Variants in FAM149B1 observed in about 807,000 individuals in gnomAD.
The protein encoded by FAM149B1 is family with sequence similarity 149 member B1, also known as primary cilium assembly protein FAM149B1.
A neutral mutation model predicts 75.3 loss-of-function variants in FAM149B1; 56 were observed. That is an observed-to-expected ratio of 0.74 (90% CI 0.60 to 0.93). The LOEUF (loss-of-function observed/expected upper bound fraction) is 0.93, where lower values mean the gene tolerates loss of function less well. Among genes scored for constraint, FAM149B1 ranks in the 40% least tolerant of loss-of-function variants. The probability of loss-of-function intolerance (pLI) is 0.00; values close to 1 mark genes in which losing one functional copy is unlikely to be tolerated. For synonymous variants in FAM149B1, 259 were observed against 256.1 expected (o/e 1.01, Z -0.11); for missense variants, 639 against 708.4 (o/e 0.90, Z 1.11).
At position 73,227,185 on chromosome 10, in the gene FAM149B1, T is replaced by C. The variant is rs146028743; in HGVS notation, c.899-875T>C. 1.6e-3 allele frequency among the ~76,000 whole-genome samples: 249 copies of C among 152,324 alleles called. 1 individual carries two copies. Among genetic ancestry groups the C allele is most frequent in the African/African-American group, 3.8e-3 (159 of 41,564 alleles). On this transcript the variant is annotated intron_variant, in intron 7 of 13. Transcript: ENST00000242505. ...TCACTACAGCCTCAACTACCTGGGC[T>C]GAAGCTGTCCTCCCACCTCAGCCTC...
At position 73,189,641 on chromosome 10, in the gene FAM149B1, C is replaced by T. The variant is rs577423500; in HGVS notation, c.283-2915C>T. On this transcript the variant is annotated intron_variant, in intron 3 of 13. Transcript: ENST00000242505. ...ATTCTCCTGAATGAAGGAAGCCAAA[C>T]ACAAAAAGTGCATCCTGCACAATCC... is the stretch of plus-strand genomic sequence containing the variant. 3.8e-4 allele frequency among the ~76,000 whole-genome samples: 58 copies of T among 152,328 alleles called. 1 individual carries two copies. The South Asian group carries it at 0.012, about 31-fold the overall frequency.
chr10:73,240,442 G>T (rs1364968767), intron 13 of FAM149B1, among the ~76,000 whole-genome samples: 2 of 152,190 alleles, frequency 1.3e-5, no homozygotes, highest in East Asian at 3.8e-4. Flanking sequence ...GCTGGGCGTG[G>T]TGGCTCATGC....
chr10:73,180,207 T>C (rs1589138022), intron 3 of FAM149B1, among the ~76,000 whole-genome samples: 1 of 152,284 alleles, frequency 6.6e-6, no homozygotes, highest in South Asian at 2.1e-4. Flanking sequence ...GCTAGCCATG[T>C]GAAGAGTGAG....
intron 3 of FAM149B1, among the ~76,000 whole-genome samples, chr10:73,178,191 A>G (rs1409646227): frequency 1.3e-5 from 2 of 152,168 alleles, no homozygotes; most frequent in Admixed American, 1.3e-4. Flanking sequence ...TTAGTGTTCA[A>G]TTTAAACAGC....
intron 5 of FAM149B1, among the ~76,000 whole-genome samples, chr10:73,207,123 A>G (rs572457275): frequency 1.3e-5 from 2 of 152,262 alleles, no homozygotes; most frequent in Non-Finnish European, 2.9e-5. Context: ...GAGAATCTCT[A>G]TTGGGCAGTG....
At chr10:73,236,901 A>AT (rs1478221250) in intron 12 of FAM149B1, among the ~76,000 whole-genome samples, 1 of 150,560 alleles carries the variant, frequency 6.6e-6, no homozygotes, top group Non-Finnish European at 1.5e-5. Flanking sequence ...TTTTGTAGAG[A>AT]TAGGGTGTCA....
chr10:73,199,259 C>T (rs991582526), intron 5 of FAM149B1, among the ~76,000 whole-genome samples: 1 of 151,866 alleles, frequency 6.6e-6, no homozygotes, highest in Non-Finnish European at 1.5e-5. Flanking sequence ...GCTCTGTCGC[C>T]CAGGCTGGAG....
chr10:73,189,000 C>T (rs2042613109), intron 3 of FAM149B1, among the ~76,000 whole-genome samples: 1 of 151,758 alleles, frequency 6.6e-6, no homozygotes. Context: ...TTGAGACCAG[C>T]CTAAGCAACA....
Position 73,177,140 on chromosome 10 carries a change from G to A in FAM149B1, c.153-706G>A, listed in dbSNP as rs140791104. Among the ~76,000 whole-genome samples the A allele has an allele frequency of 1.8e-3, 279 of 152,138 alleles. 3 individuals are homozygous for A. The highest frequency in any genetic ancestry group is 6.3e-3 in the African/African-American group (263 of 41,504). On this transcript the variant is annotated intron_variant, in intron 2 of 13. Coordinates refer to ENST00000242505, the MANE Select transcript of FAM149B1 (RefSeq NM_173348.2). The stretch of plus-strand genomic sequence containing the variant: ...AATCACTTGAACCCAGGAGGCGGAG[G>A]TTGCAGTGAGCTGATTTCGCACCAC...
intron 3 of FAM149B1, among the ~76,000 whole-genome samples, chr10:73,184,674 C>T (rs75029554): frequency 0.055 from 8,425 of 152,008 alleles, 727 homozygotes; most frequent in African/African-American, 0.18. Flanking sequence ...TCTAAATAAC[C>T]CATGGGTTGA....
chr10:73,235,522 A>T lies in FAM149B1; in HGVS notation c.1602+204A>T, dbSNP rs2043802222. On this transcript the variant is annotated intron_variant, in intron 12 of 13. Coordinates refer to ENST00000242505, the MANE Select transcript of FAM149B1 (RefSeq NM_173348.2). The stretch of plus-strand genomic sequence containing the variant: ...CCTATTCTTTAATGCCTTATACAGA[A>T]ATCACAAATATTCTAAGCAATTTAA... 4 of 1,211,312 alleles carry T rather than the reference A, an allele frequency of 3.3e-6. No homozygotes were observed. The East Asian group carries it at 1.2e-4, about 35-fold the overall frequency. The allele number at this position is 1,211,312 out of a possible 1,614,324, so 75.0% of individuals were successfully genotyped here.
rs1280383774 is a variant in FAM149B1, at chr10:73,232,974, C to G, written c.1163C>G (p.Ser388Cys). 1 of 1,551,704 alleles carries G rather than the reference C, an allele frequency of 6.4e-7. No homozygotes were observed. The highest frequency in any genetic ancestry group is 8.7e-7 in the Non-Finnish European group (1 of 1,146,670). The change falls in exon 10 of 14, where the codon TCC becomes TGC. Residue 388 changes from serine to cysteine, a missense_variant. Ser to Cys is a moderately radical substitution (Grantham distance 112). Transcript: ENST00000242505. ...LDDKLLMRPG[S>C]STILSTRNWP... ...GACAAGCTACTTATGAGGCCTGGGT[C>G]CAGTACCATCCTTTCAACTCGAAAT... is the stretch of plus-strand genomic sequence containing the variant.
chr10:73,243,716 T>TTAA lies in FAM149B1; in HGVS notation c.*2698_*2700dup. On this transcript the variant is annotated 3_prime_UTR_variant, in exon 14 of 14. Coordinates refer to ENST00000242505, the MANE Select transcript of FAM149B1 (RefSeq NM_173348.2). Reference sequence around the variant, plus strand: ...ACTTAAAACCACCAAATTGTACACTTTAAAAGGACAAATAGAAGGTATGCG... The same window carrying TTAA: ...ACTTAAAACCACCAAATTGTACACTTTAATAAAAGGACAAATAGAAGGTATGCG... The TTAA allele has an allele frequency of 9.0e-7, 1 of 1,116,518 alleles. No individual in the cohort carries two copies. The highest frequency in any genetic ancestry group is 1.3e-6 in the Non-Finnish European group (1 of 778,378). 69.2% of individuals were successfully genotyped at this position (1,116,518 alleles called of 1,614,324 possible).
intron 5 of FAM149B1, among the ~76,000 whole-genome samples, chr10:73,204,833 A>T (rs2043016050): frequency 7.6e-6 from 1 of 131,838 alleles, no homozygotes; most frequent in African/African-American, 2.9e-5. Flanking sequence ...GCTGGAGTGC[A>T]GTGGTGCAAT....
At chr10:73,217,797 A>G (rs924029922) in intron 7 of FAM149B1, among the ~76,000 whole-genome samples, 4 of 152,188 alleles carry the variant, frequency 2.6e-5, no homozygotes, top group Non-Finnish European at 5.9e-5. Flanking sequence ...AGGCATGAAC[A>G]CCAAGAGGTA....
intron 8 of FAM149B1, among the ~76,000 whole-genome samples, chr10:73,229,915 G>T (rs531543865): frequency 6.6e-6 from 1 of 152,142 alleles, no homozygotes; most frequent in Non-Finnish European, 1.5e-5. Flanking sequence ...GCTAAAATTA[G>T]AACAGATAAG....
Position 73,242,193 on chromosome 10 carries a change from A to G in FAM149B1, c.*1174A>G, listed in dbSNP as rs1314649220. On this transcript the variant is annotated 3_prime_UTR_variant, in exon 14 of 14. Coordinates refer to ENST00000242505, the MANE Select transcript of FAM149B1 (RefSeq NM_173348.2). ...CTATTTTTAACCTATTTGTAGTCAC[A>G]AACCGAAAACGTGTCGTCTTTACCT... The G allele has an allele frequency of 1.3e-5, 2 of 152,214 alleles. No individual in the cohort carries two copies. Among genetic ancestry groups the G allele is most frequent in the Admixed American group, 6.5e-5 (1 of 15,286 alleles). 9.4% of individuals were successfully genotyped at this position (152,214 alleles called of 1,614,324 possible). A position where few individuals can be genotyped will look rare whatever the true frequency, so the allele number is the denominator to read the frequency against.
At chr10:73,239,013 C>T (rs887733558) in intron 12 of FAM149B1, 20 of 227,164 alleles carry the variant, frequency 8.8e-5, no homozygotes, top group Admixed American at 2.8e-4. Flanking sequence ...ATGAGACGAA[C>T]CCCCTTAGAA....
chr10:73,202,408 C>T (rs536540517), intron 5 of FAM149B1, among the ~76,000 whole-genome samples: 6 of 151,638 alleles, frequency 4.0e-5, no homozygotes, highest in African/African-American at 1.2e-4. Flanking sequence ...AATACGATAG[C>T]AGAATAACGT....
Sources: gnomAD v4.1 joint callset for allele counts (sites outside exome capture counted in the v4.1 genomes callset) on GRCh38, gnomAD v4.1.1 for gene constraint, MANE v1.5 for transcripts, NCBI Gene and HGNC (gene_info 2026-07-23, HGNC 2026-07-21) for gene names.